The following VAV2 variants were observed in gnomAD, a reference collection of about 807,000 sequenced individuals.
VAV2 encodes guanine nucleotide exchange factor VAV2.
VAV2 carries 67 observed loss-of-function variants against 132.5 expected under a neutral mutation model. That is an observed-to-expected ratio of 0.51 (90% CI 0.42 to 0.62). The LOEUF is 0.62. Ranked by LOEUF, VAV2 falls within the 20% of genes least tolerant of loss-of-function variation. The probability of loss-of-function intolerance (pLI) is 0.00; values close to 1 mark genes in which losing one functional copy is unlikely to be tolerated. For synonymous variants in VAV2, 492 were observed against 443.5 expected (o/e 1.11, Z -1.37); for missense variants, 938 against 1,153.6 (o/e 0.81, Z 2.71).
intron 1 of VAV2, among the ~76,000 whole-genome samples, chr9:133,950,485 T>G (rs1433440409): frequency 1.3e-5 from 2 of 152,198 alleles, no homozygotes; most frequent in African/African-American, 4.8e-5. Context: ...CCACCTCTGC[T>G]GCCGACGGTG....
In VAV2 at chr9:133,918,228, G is replaced by A. The variant is rs73550715; in HGVS notation, c.321+20875C>T. Among the ~76,000 whole-genome samples the A allele has an allele frequency of 6.6e-3, 1,000 of 152,290 alleles. 9 individuals are homozygous for A. Among genetic ancestry groups the A allele is most frequent in the African/African-American group, 0.02 (820 of 41,562 alleles). On this transcript the variant is annotated intron_variant, in intron 2 of 29. Coordinates refer to ENST00000371850, the MANE Select transcript of VAV2 (RefSeq NM_001134398.2). This position sits in a 1 kb window ranked among gnomAD's most constrained non-coding sequence, Gnocchi z 4.7. ...CCGTCGGAAATGCTAAAGAGGACTC[G>A]GTGCCTCCAGCTCGGCTAGAAACTA...
chr9:133,838,796 T>C (rs1836586888), intron 3 of VAV2, among the ~76,000 whole-genome samples: 1 of 124,614 alleles, frequency 8.0e-6, no homozygotes, highest in South Asian at 2.8e-4. Flanking sequence ...AGTGCATGAG[T>C]GGGTGGGTAG....
chr9:133,821,388 A>G (rs1305142207), intron 4 of VAV2, among the ~76,000 whole-genome samples: 1 of 152,168 alleles, frequency 6.6e-6, no homozygotes, highest in Non-Finnish European at 1.5e-5. Context: ...TTGTCTTTGT[A>G]GCCCTTCCTG....
intron 2 of VAV2, among the ~76,000 whole-genome samples, chr9:133,868,276 C>T (rs1235909742): frequency 6.6e-6 from 1 of 152,232 alleles, no homozygotes; most frequent in Non-Finnish European, 1.5e-5. Context: ...GCACAGCAGG[C>T]ACCGCATCCC....
Position 133,784,357 on chromosome 9 carries a change from C to T in VAV2, c.1594G>A (p.Asp532Asn), listed in dbSNP as rs773904390. 2 of 1,614,222 alleles carry T rather than the reference C, an allele frequency of 1.2e-6. No individual in the cohort carries two copies. The highest frequency in any genetic ancestry group is 8.5e-7 in the Non-Finnish European group (1 of 1,180,034). Reference sequence around the variant, plus strand: ...CAGGCTTTGCAGTTGGTGGTCTTGTCAAACGTGTACATCTGGAAACTGTGG... The same window carrying T: ...CAGGCTTTGCAGTTGGTGGTCTTGTTAAACGTGTACATCTGGAAACTGTGG... The part of the protein sequence containing the change: ...NHHSFQMYTF[D>N]KTTNCKACKM... Residue 532 changes from aspartate to asparagine, a missense_variant, in exon 18 of 30, where the codon GAC becomes AAC. Transcript: ENST00000371850.
chr9:133,853,013 G>C (rs576014814), intron 3 of VAV2, among the ~76,000 whole-genome samples: 51 of 152,288 alleles, frequency 3.3e-4, no homozygotes, highest in African/African-American at 1.2e-3. Flanking sequence ...CCACACACAA[G>C]ATGCCATAGT....
intron 1 of VAV2, among the ~76,000 whole-genome samples, chr9:133,967,635 G>A (rs1391474867): frequency 6.6e-6 from 1 of 152,104 alleles, no homozygotes; most frequent in Non-Finnish European, 1.5e-5. Context: ...GACACAGAAA[G>A]CTAAATATCA....
chr9:133,984,273 C>T (rs1842785995), intron 1 of VAV2, among the ~76,000 whole-genome samples: 1 of 148,118 alleles, frequency 6.8e-6, no homozygotes, highest in Admixed American at 6.7e-5. Flanking sequence ...TGTACCTAGT[C>T]TGTCTCTGTG....
chr9:133,941,017 G>C (rs758972527), intron 1 of VAV2, among the ~76,000 whole-genome samples: 7 of 80,276 alleles, frequency 8.7e-5, no homozygotes, highest in Non-Finnish European at 2.0e-4. Context: ...ATCTGGTACA[G>C]TCCTCCAACA....
rs188445008 is a variant in VAV2 at position 133,768,347 on chromosome 9, G to A, written c.2589+95C>T. 4 of 1,503,382 alleles carry A rather than the reference G, an allele frequency of 2.7e-6. No homozygotes were observed. The highest frequency in any genetic ancestry group is 2.7e-5 in the African/African-American group (2 of 72,760). The allele number at this position is 1,503,382 out of a possible 1,614,324, so 93.1% of individuals were successfully genotyped here. A position where few individuals can be genotyped will look rare whatever the true frequency, so the allele number is the denominator to read the frequency against. Reference sequence around the variant, plus strand: ...AGAGGGTGTCTGGAACAGGGCCTGGGGTGTGGACATAGGTGTGGTGCTAGT... The same window carrying A: ...AGAGGGTGTCTGGAACAGGGCCTGGAGTGTGGACATAGGTGTGGTGCTAGT... On this transcript the variant is annotated intron_variant, in intron 29 of 29. Transcript: ENST00000371850. This position sits in a 1 kb window ranked among gnomAD's most constrained non-coding sequence, Gnocchi z 5.3.
chr9:133,988,632 C>A (rs116911072), intron 1 of VAV2, among the ~76,000 whole-genome samples: 4 of 152,192 alleles, frequency 2.6e-5, no homozygotes, highest in African/African-American at 9.6e-5. Flanking sequence ...CCTTAAGAAA[C>A]GTGAGTTTCA....
intron 3 of VAV2, among the ~76,000 whole-genome samples, chr9:133,859,714 G>A (rs1391233753): frequency 6.6e-6 from 1 of 151,310 alleles, no homozygotes; most frequent in African/African-American, 2.4e-5. Flanking sequence ...CTGGTGGAAA[G>A]GAGAAGGAAC....
chr9:133,764,579 C>T (rs902023514), intron 29 of VAV2, among the ~76,000 whole-genome samples: 5 of 152,046 alleles, frequency 3.3e-5, no homozygotes, highest in African/African-American at 9.7e-5. Context: ...GAACCTAAAT[C>T]GGAAATCAAA....
At chr9:133,934,841 C>G (rs764491118) in intron 2 of VAV2, among the ~76,000 whole-genome samples, 1 of 152,220 alleles carries the variant, frequency 6.6e-6, no homozygotes, top group Non-Finnish European at 1.5e-5. Flanking sequence ...TCTGCCTCTA[C>G]CCGGCTGCTT....
intron 1 of VAV2, among the ~76,000 whole-genome samples, chr9:133,966,527 G>A (rs574427047): frequency 1.1e-3 from 172 of 152,210 alleles, no homozygotes; most frequent in Non-Finnish European, 1.7e-3. Context: ...GCAATATGGC[G>A]AGACCCCGTC....
rs575211584 is a variant in VAV2, at chr9:133,813,309, C to T, written c.450-1093G>A. ...AGAGCACCCCCTTCCATGGCCAGCA[C>T]GCAGGGAGGCGAGGCAGGGACAGAA... is the stretch of plus-strand genomic sequence containing the variant. On this transcript the variant is annotated intron_variant, in intron 4 of 29. Transcript: ENST00000371850. Among the ~76,000 whole-genome samples the T allele has an allele frequency of 4.7e-4, 72 of 152,352 alleles. 1 individual carries two copies. The Middle Eastern group carries it at 0.01, about 22-fold the overall frequency.
chr9:133,835,985 T>C (rs1286483594), intron 3 of VAV2, among the ~76,000 whole-genome samples: 2 of 152,166 alleles, frequency 1.3e-5, no homozygotes, highest in Non-Finnish European at 2.9e-5. Context: ...CCCATCACCA[T>C]ACAGCAGCAT....
chr9:133,866,844 A>G (rs1030873261), intron 2 of VAV2, among the ~76,000 whole-genome samples: 1 of 150,628 alleles, frequency 6.6e-6, no homozygotes, highest in African/African-American at 2.4e-5. Flanking sequence ...CAATTTTGCC[A>G]TTATGATGAC....
At chr9:133,914,997 G>C (rs893812493) in intron 2 of VAV2, among the ~76,000 whole-genome samples, 1 of 152,152 alleles carries the variant, frequency 6.6e-6, no homozygotes, top group Non-Finnish European at 1.5e-5. Flanking sequence ...CGCACGGGGG[G>C]AAGGACCTGG....
Sources: gnomAD v4.1 joint callset for allele counts (sites outside exome capture counted in the v4.1 genomes callset) on GRCh38, gnomAD v4.1.1 for gene constraint, Gnocchi (gnomAD v3.1) non-coding constraint, MANE v1.5 for transcripts, NCBI Gene and HGNC (gene_info 2026-07-23, HGNC 2026-07-21) for gene names.